NECTIN3: variants seen among roughly 807,000 people sequenced by gnomAD.
The protein encoded by NECTIN3 is nectin cell adhesion molecule 3, also known as nectin-3.
In NECTIN3, 8 loss-of-function variants were observed where a neutral mutation model predicts 49.4. That is an observed-to-expected ratio of 0.16 (90% CI 0.10 to 0.29). The LOEUF is 0.29. Ranked by LOEUF, NECTIN3 falls within the 10% of genes least tolerant of loss-of-function variation. NECTIN3 has a pLI of 1.00. For synonymous variants in NECTIN3, 277 were observed against 241.1 expected (o/e 1.15, Z -1.38); for missense variants, 581 against 654.6 (o/e 0.89, Z 1.23).
chr3:111,164,548 T>C (rs1428618724), intron 7 of NECTIN3, among the ~76,000 whole-genome samples: 1 of 152,180 alleles, frequency 6.6e-6, no homozygotes, highest in Non-Finnish European at 1.5e-5. Context: ...TGTCTCACAA[T>C]TCTGGAGGCA....
chr3:111,192,354 G>T lies in NECTIN3; in HGVS notation c.4G>T (p.Glu2Ter). 6.5e-7 allele frequency: 1 copy of T among 1,535,814 alleles called. No homozygotes were observed. The highest frequency in any genetic ancestry group is 1.2e-5 in the South Asian group (1 of 84,040). ...ATCTTTTTGTGTTTTCTTCCAGCCT[G>T]AACACTTGCCTTTGCAGACTCAGTT... Residue 2 changes from glutamate to a stop codon, truncating the protein, a stop_gained, in exon 1 of 2, where the codon GAA becomes TAA. Transcript: ENST00000485506. LOFTEE classifies it high-confidence loss of function.
chr3:111,105,369 G>A lies in NECTIN3; in HGVS notation c.161-6661G>A, dbSNP rs545095767. Among the ~76,000 whole-genome samples the A allele has an allele frequency of 2.0e-5, 3 of 152,010 alleles. No homozygotes were observed. The East Asian group carries it at 5.8e-4, about 29-fold the overall frequency. ...GCTGGTCTTAAATTCCTGACCTCAA[G>A]CAATTTACCTGCCTCGGCCTCCCAA... is the stretch of plus-strand genomic sequence containing the variant. On this transcript the variant is annotated intron_variant, in intron 1 of 5. Transcript: ENST00000485303.
chr3:111,192,277 A>T (rs2035825965), upstream of NECTIN3: 11 of 1,332,670 alleles, frequency 8.3e-6, no homozygotes, highest in African/African-American at 1.5e-5. Context: ...GGCTCTTTTA[A>T]AAATAGGAAT....
chr3:111,177,775 T>C (rs753739471), intron 7 of NECTIN3, among the ~76,000 whole-genome samples: 1 of 152,212 alleles, frequency 6.6e-6, no homozygotes, highest in African/African-American at 2.4e-5. Context: ...TGTTAAAATG[T>C]GTAGGCATTT....
intron 1 of NECTIN3, chr3:111,072,667 AC>A: frequency 7.9e-7 from 1 of 1,260,962 alleles, no homozygotes; most frequent in Non-Finnish European, 1.1e-6. Flanking sequence ...ATTTTAGCCC[AC>A]CCAGCCGCAG....
intron 1 of NECTIN3, among the ~76,000 whole-genome samples, chr3:111,104,458 C>T (rs975335632): frequency 6.6e-6 from 1 of 151,466 alleles, no homozygotes; most frequent in Non-Finnish European, 1.5e-5. Flanking sequence ...ATAGCTGGGA[C>T]TACAGGCGTA....
chr3:111,134,834 A>C lies in NECTIN3; in HGVS notation c.*619A>C. 1.0e-6 allele frequency: 1 copy of C among 982,614 alleles called. No homozygotes were observed. Among genetic ancestry groups the C allele is most frequent in the Non-Finnish European group, 1.2e-6 (1 of 827,456 alleles). 60.9% of individuals were successfully genotyped at this position (982,614 alleles called of 1,614,324 possible). On this transcript the variant is annotated 3_prime_UTR_variant, in exon 6 of 6. Transcript: ENST00000485303. The stretch of plus-strand genomic sequence containing the variant: ...TAATTACTGTAGAGTGGCTTTTCAA[A>C]GATATTTTGTTGCACTAAAACTGTG...
upstream of NECTIN3, among the ~76,000 whole-genome samples, chr3:111,189,243 T>C (rs901176497): frequency 6.6e-6 from 1 of 152,152 alleles, no homozygotes; most frequent in East Asian, 1.9e-4. Flanking sequence ...CTATTAGACA[T>C]GAGGGACTGC....
chr3:111,094,185 A>G (rs1444952280), intron 1 of NECTIN3, among the ~76,000 whole-genome samples: 2 of 151,872 alleles, frequency 1.3e-5, no homozygotes, highest in East Asian at 1.9e-4. Flanking sequence ...AAAAGACAAA[A>G]CAAAAAAAAA....
chr3:111,080,113 C>G (rs1460518875), intron 1 of NECTIN3, among the ~76,000 whole-genome samples: 1 of 151,922 alleles, frequency 6.6e-6, no homozygotes, highest in Admixed American at 6.6e-5. Flanking sequence ...TACTAATTAG[C>G]AGGAAATAAG....
chr3:111,149,317 TTC>T (rs1408455594), intron 7 of NECTIN3, among the ~76,000 whole-genome samples: 2 of 152,108 alleles, frequency 1.3e-5, no homozygotes, highest in African/African-American at 4.8e-5. Flanking sequence ...GACTTTTCTT[TTC>T]TCTGTCTACT....
At chr3:111,126,476 A>C in intron 5 of NECTIN3, 141 bp downstream of exon 5, 1 of 699,672 alleles carries the variant, frequency 1.4e-6, no homozygotes, top group Admixed American at 3.5e-5. Context: ...ATCTAAAAGG[A>C]ATATGATAAA....
At chr3:111,080,678 C>CAAA (rs11322721) in intron 1 of NECTIN3, among the ~76,000 whole-genome samples, 1 of 129,140 alleles carries the variant, frequency 7.7e-6, no homozygotes, top group Non-Finnish European at 1.7e-5. Flanking sequence ...ATATGTCATG[C>CAAA]AAAAAAAAAA....
At chr3:111,109,872 T>C (rs1332284381) in intron 1 of NECTIN3, among the ~76,000 whole-genome samples, 1 of 152,048 alleles carries the variant, frequency 6.6e-6, no homozygotes, top group Admixed American at 6.6e-5. Flanking sequence ...AATTGACATG[T>C]AAATAAGTTT....
At chr3:111,103,145 G>C (rs1046224611) in intron 1 of NECTIN3, among the ~76,000 whole-genome samples, 1 of 151,980 alleles carries the variant, frequency 6.6e-6, no homozygotes, top group South Asian at 2.1e-4. Context: ...TTGTTTCTCC[G>C]TATACATTTG....
chr3:111,085,851 G>A (rs2031892280), intron 1 of NECTIN3, among the ~76,000 whole-genome samples: 1 of 152,062 alleles, frequency 6.6e-6, no homozygotes, highest in South Asian at 2.1e-4. Context: ...GTTTTTGGTG[G>A]TGGTATTGCT....
At chr3:111,091,238 TTTTTC>T (rs1297614655) in intron 1 of NECTIN3, among the ~76,000 whole-genome samples, 2 of 152,258 alleles carry the variant, frequency 1.3e-5, no homozygotes, top group South Asian at 2.1e-4. Flanking sequence ...ATGTGTAGTC[TTTTTC>T]TTTTCTTTTA....
chr3:111,157,233 T>A (rs972089132), intron 7 of NECTIN3, among the ~76,000 whole-genome samples: 4 of 152,168 alleles, frequency 2.6e-5, no homozygotes, highest in Non-Finnish European at 5.9e-5. Context: ...CCTGTTAAAA[T>A]CATTTTCGTA....
At position 111,134,301 on chromosome 3, in the gene NECTIN3, A is replaced by G; in HGVS notation, c.*86A>G. ...GATTGTTCATACTTTTTCTTGAGGA[A>G]GAATAAGCTTTTTCAAGTTGATTTT... is the stretch of plus-strand genomic sequence containing the variant. On this transcript the variant is annotated 3_prime_UTR_variant, in exon 6 of 6. Coordinates refer to ENST00000485303, the MANE Select transcript of NECTIN3 (RefSeq NM_015480.3). 3 of 1,478,420 alleles carry G rather than the reference A, an allele frequency of 2.0e-6. No individual in the cohort carries two copies. Among genetic ancestry groups the G allele is most frequent in the South Asian group, 1.5e-5 (1 of 65,878 alleles). 91.6% of individuals were successfully genotyped at this position (1,478,420 alleles called of 1,614,324 possible).
Sources: gnomAD v4.1 joint callset for allele counts (sites outside exome capture counted in the v4.1 genomes callset) on GRCh38, gnomAD v4.1.1 for gene constraint, MANE v1.5 for transcripts, NCBI Gene and HGNC (gene_info 2026-07-23, HGNC 2026-07-21) for gene names.